Variants in ING5 observed in about 807,000 individuals in gnomAD.
ING5 encodes inhibitor of growth family member 5.
Under a neutral mutation model 37.4 loss-of-function variants are expected in ING5, and 17 were observed. The observed-to-expected ratio is 0.45, with a 90% CI of 0.31 to 0.68. The LOEUF (loss-of-function observed/expected upper bound fraction) is 0.68, where lower values mean the gene tolerates loss of function less well. Among genes scored for constraint, ING5 ranks in the 30% least tolerant of loss-of-function variants. The probability of loss-of-function intolerance (pLI) is 0.05; values close to 1 mark genes in which losing one functional copy is unlikely to be tolerated. For synonymous variants in ING5, 123 were observed against 116.6 expected (o/e 1.06, Z -0.36); for missense variants, 233 against 311.9 (o/e 0.75, Z 1.91).
chr2:241,721,145 T>C (rs1352414495), intron 5 of ING5: 1 of 985,412 alleles, frequency 1.0e-6, no homozygotes, highest in Non-Finnish European at 1.2e-6. Flanking sequence ...GCTGCCCTGC[T>C]CTCCGCGGGT....
In ING5 at chr2:241,720,212, G is replaced by A. The variant is rs563628703; in HGVS notation, c.483-2727G>A. The A allele has an allele frequency of 1.4e-5, 17 of 1,232,492 alleles. No homozygotes were observed. In the African/African-American group the frequency reaches 2.5e-4, roughly 18 times the overall value. 76.3% of individuals were successfully genotyped at this position (1,232,492 alleles called of 1,614,324 possible). ...AGGGCATCATCCTGGGTGTGTGCAG[G>A]AGCCCGCCTGCCCCTGGGCTCTGGA... On this transcript the variant is annotated intron_variant, in intron 5 of 7. Transcript: ENST00000313552.
At chr2:241,724,261 T>C (rs554089892) in intron 7 of ING5, among the ~76,000 whole-genome samples, 2 of 152,282 alleles carry the variant, frequency 1.3e-5, no homozygotes, top group South Asian at 4.2e-4. Context: ...CACGGTGTCA[T>C]GTGGCGTCAA....
intron 3 of ING5, among the ~76,000 whole-genome samples, chr2:241,710,544 C>G (rs2070076738): frequency 6.6e-6 from 1 of 151,684 alleles, no homozygotes. Flanking sequence ...GAGTGCAATG[C>G]CACGATCTTG....
At chr2:241,720,506 G>A in intron 5 of ING5, 1 of 998,482 alleles carries the variant, frequency 1.0e-6, no homozygotes, top group Non-Finnish European at 1.2e-6. Context: ...CCCCTGCACT[G>A]TTGCTGCCCT....
chr2:241,723,214 C>T lies in ING5; in HGVS notation c.623C>T (p.Pro208Leu). The change falls in exon 7 of 8, where the codon CCA becomes CTA. Residue 208 changes from proline to leucine, a missense_variant. Pro to Leu is a moderately conservative substitution (Grantham distance 98). This residue lies in a region of ING5 where 45 missense variants were observed against 98.2 expected (regional missense o/e 0.46). Transcript: ENST00000313552. ...GTTTCTCCCTTTACTTTGCAGTGTC[C>T]AATTGAGTGGTTTCACTTTGCCTGC... The part of the protein sequence containing the change: ...EMIGCDNPDC[P>L]IEWFHFACVD... The T allele has an allele frequency of 6.2e-7, 1 of 1,614,194 alleles. No individual in the cohort carries two copies. Among genetic ancestry groups the T allele is most frequent in the Non-Finnish European group, 8.5e-7 (1 of 1,180,020 alleles).
At chr2:241,711,580 C>A in intron 4 of ING5, 92 bp downstream of exon 4, 1 of 946,250 alleles carries the variant, frequency 1.1e-6, no homozygotes, top group Non-Finnish European at 1.6e-6. Context: ...AGTATGATCA[C>A]TAGGGTAAGT....
intron 5 of ING5, among the ~76,000 whole-genome samples, chr2:241,712,847 G>A (rs2070151045): frequency 6.6e-6 from 1 of 152,026 alleles, no homozygotes; most frequent in Non-Finnish European, 1.5e-5. Flanking sequence ...GCAACCAAGT[G>A]AGTCCCCCAT....
At chr2:241,709,142 T>G in intron 2 of ING5, 74 bp from the exon 3 acceptor site, 1 of 1,482,448 alleles carries the variant, frequency 6.7e-7, no homozygotes, top group Non-Finnish European at 9.2e-7. Context: ...TTGGCTGACT[T>G]TAGTTGTTGC....
At chr2:241,719,078 G>T (rs1339035337) in intron 5 of ING5, among the ~76,000 whole-genome samples, 1 of 152,208 alleles carries the variant, frequency 6.6e-6, no homozygotes, top group Non-Finnish European at 1.5e-5. Context: ...CAGCTCCACC[G>T]AGGCCCCTTG....
chr2:241,701,903 G>C, upstream of ING5: 1 of 350,640 alleles, frequency 2.9e-6, no homozygotes, highest in South Asian at 1.0e-4. Context: ...GGGCCCCGCA[G>C]CCCGCCGCCC....
chr2:241,713,217 C>T (rs371032179), intron 5 of ING5, among the ~76,000 whole-genome samples: 16 of 151,582 alleles, frequency 1.1e-4, no homozygotes, highest in African/African-American at 2.7e-4. Context: ...CCACCATGCC[C>T]GGCTAAGTTT....
At chr2:241,715,746 C>G (rs535059743) in intron 5 of ING5, among the ~76,000 whole-genome samples, 71 of 152,038 alleles carry the variant, frequency 4.7e-4, no homozygotes, top group African/African-American at 1.7e-3. Context: ...CTTGGCCTCC[C>G]AACATACTGG....
At chr2:241,713,058 C>CTT (rs112809236) in intron 5 of ING5, among the ~76,000 whole-genome samples, 16 of 136,464 alleles carry the variant, frequency 1.2e-4, no homozygotes, top group African/African-American at 2.4e-4. Flanking sequence ...GGACAATTTT[C>CTT]TTTTTTTTTT....
chr2:241,722,900 C>CCA (rs756635433), intron 5 of ING5, 39 bp from the exon 6 acceptor site: 1 of 1,610,694 alleles, frequency 6.2e-7, no homozygotes, highest in Admixed American at 1.7e-5. Context: ...TCACTTCCCA[C>CCA]CATGGCCTTC....
exon 1 of ING5, chr2:241,687,407 G>C (rs7597410): frequency 2.5e-6 from 1 of 398,862 alleles, no homozygotes; most frequent in African/African-American, 2.1e-5. Flanking sequence ...GGGGCAGGAT[G>C]GGGGGCTGTG....
At chr2:241,724,823 G>A (rs1254169754) in intron 7 of ING5, 166 bp from the exon 8 acceptor site, 12 of 636,314 alleles carry the variant, frequency 1.9e-5, no homozygotes, top group African/African-American at 1.1e-4. Flanking sequence ...CACGTGCATC[G>A]GCGCATTTTC....
At chr2:241,699,569 G>T (rs1182956974), upstream of ING5, among the ~76,000 whole-genome samples, 3 of 151,996 alleles carry the variant, frequency 2.0e-5, no homozygotes, top group African/African-American at 7.3e-5. Flanking sequence ...CACAGCAGCT[G>T]GCTTAATATC....
At chr2:241,704,053 A>AG (rs948687408) in intron 1 of ING5, among the ~76,000 whole-genome samples, 4 of 152,012 alleles carry the variant, frequency 2.6e-5, no homozygotes, top group African/African-American at 7.2e-5. Context: ...CTGCTCACTG[A>AG]GGGGGGGCAG....
intron 2 of ING5, among the ~76,000 whole-genome samples, chr2:241,708,671 C>G (rs1287082657): frequency 6.6e-6 from 1 of 152,128 alleles, no homozygotes; most frequent in African/African-American, 2.4e-5. Context: ...GTAGTTTGCT[C>G]TTTTTGTTGC....
Sources: allele counts gnomAD v4.1 joint callset (sites outside exome capture counted in the v4.1 genomes callset), GRCh38; gene constraint gnomAD v4.1.1; regional missense constraint gnomAD v4.1.1; transcripts MANE v1.5; gene names NCBI Gene and HGNC (gene_info 2026-07-23, HGNC 2026-07-21).